MBNL2: variants seen among roughly 807,000 people sequenced by gnomAD.
MBNL2 encodes the protein muscleblind like splicing regulator 2, also known as muscleblind-like protein 2.
A neutral mutation model predicts 41.9 loss-of-function variants in MBNL2; 17 were observed. The ratio of observed to expected loss-of-function variants is 0.41; its 90% confidence interval spans 0.28 to 0.61. The LOEUF (loss-of-function observed/expected upper bound fraction) is 0.61. Among genes scored for constraint, MBNL2 ranks in the 20% least tolerant of loss-of-function variants. MBNL2 has a pLI of 0.35. For synonymous variants in MBNL2, 195 were observed against 182.9 expected (o/e 1.07, Z -0.53); for missense variants, 336 against 505.6 (o/e 0.66, Z 3.22).
At chr13:97,151,625 A>G in the MBNL2 span, among the ~76,000 whole-genome samples, 55 of 152,310 alleles carry the variant, frequency 3.6e-4, no homozygotes, top group African/African-American at 1.3e-3. Context: ...GATGCACACA[A>G]TCAGCTTTTT....
intron 1 of MBNL2, among the ~76,000 whole-genome samples, chr13:97,243,279 A>C (rs1435572408): frequency 6.6e-6 from 1 of 152,222 alleles, no homozygotes; most frequent in Non-Finnish European, 1.5e-5. Flanking sequence ...ACTGCTCCTG[A>C]CGGCTTATTT....
At chr13:97,182,759 G>T in the MBNL2 span, among the ~76,000 whole-genome samples, 1 of 152,192 alleles carries the variant, frequency 6.6e-6, no homozygotes, top group African/African-American at 2.4e-5. Flanking sequence ...GGCACACGTA[G>T]ATTTTTGTTG....
chr13:97,181,094 TC>T, the MBNL2 span, among the ~76,000 whole-genome samples: 966 of 151,132 alleles, frequency 6.4e-3, 5 homozygotes, highest in Non-Finnish European at 0.01. Context: ...TCTCTCTCTC[TC>T]CCCCCCACCT....
chr13:97,313,685 A>G (rs2058797825), intron 2 of MBNL2, among the ~76,000 whole-genome samples: 1 of 152,154 alleles, frequency 6.6e-6, no homozygotes, highest in Non-Finnish European at 1.5e-5. Context: ...GAGATGGCTG[A>G]TCTATTCCCA....
intron 2 of MBNL2, among the ~76,000 whole-genome samples, chr13:97,330,009 T>C (rs558612524): frequency 6.6e-6 from 1 of 152,310 alleles, no homozygotes; most frequent in South Asian, 2.1e-4. Flanking sequence ...TCACAACTTG[T>C]AACAAGACAT....
chr13:97,221,929 T>C (rs534407345), upstream of MBNL2, among the ~76,000 whole-genome samples: 15 of 152,362 alleles, frequency 9.8e-5, no homozygotes, highest in South Asian at 3.1e-3. Context: ...AAAAAACATA[T>C]ACATATGCTT....
chr13:97,165,900 C>T, the MBNL2 span, among the ~76,000 whole-genome samples: 1 of 152,248 alleles, frequency 6.6e-6, no homozygotes, highest in Non-Finnish European at 1.5e-5. Flanking sequence ...AGCCTTGAAG[C>T]CTGTTTCCAA....
chr13:97,334,510 T>C lies in MBNL2; in HGVS notation c.339+70T>C. 3.5e-6 allele frequency: 4 copies of C among 1,142,120 alleles called. No homozygotes were observed. The highest frequency in any genetic ancestry group is 3.6e-6 in the Non-Finnish European group (3 of 822,938). The allele number at this position is 1,142,120 out of a possible 1,614,324, so 70.7% of individuals were successfully genotyped here. A position where few individuals can be genotyped will look rare whatever the true frequency, so the allele number is the denominator to read the frequency against. ...TGGTATGGATGATGCCACGTTGACC[T>C]AGGGTGGCCTCTCTCCACTTTGTCA... On this transcript the variant is annotated intron_variant, in intron 3 of 8. Coordinates refer to ENST00000679496, the MANE Select transcript of MBNL2 (RefSeq NM_001382683.1). The surrounding 1 kb of genome is among the most constrained non-coding windows in gnomAD (Gnocchi z 5.3).
At chr13:97,370,715 TA>T (rs1398023507) in intron 8 of MBNL2, among the ~76,000 whole-genome samples, 2 of 151,950 alleles carry the variant, frequency 1.3e-5, no homozygotes, top group African/African-American at 4.8e-5. Context: ...TAATGGACCT[TA>T]TTATTTCAGT....
At chr13:97,170,463 G>T in the MBNL2 span, among the ~76,000 whole-genome samples, 7 of 152,174 alleles carry the variant, frequency 4.6e-5, no homozygotes, top group South Asian at 2.1e-4. Flanking sequence ...GCCACACCAC[G>T]CAGGGATATA....
the MBNL2 span, among the ~76,000 whole-genome samples, chr13:97,169,570 T>A: frequency 6.6e-6 from 1 of 152,244 alleles, no homozygotes; most frequent in Non-Finnish European, 1.5e-5. Context: ...TGTTTTATTC[T>A]GAAAGCGTTT....
chr13:97,309,115 G>A (rs778584244), intron 2 of MBNL2, among the ~76,000 whole-genome samples: 4 of 152,112 alleles, frequency 2.6e-5, no homozygotes, highest in Non-Finnish European at 5.9e-5. Context: ...AAAACCATGG[G>A]GTATGTAGGG....
At chr13:97,285,221 G>A (rs1432515172) in intron 2 of MBNL2, among the ~76,000 whole-genome samples, 2 of 152,226 alleles carry the variant, frequency 1.3e-5, no homozygotes, top group Non-Finnish European at 2.9e-5. Flanking sequence ...CCCTGGCTTT[G>A]TCACATGTAA....
chr13:97,187,642 T>C, the MBNL2 span, among the ~76,000 whole-genome samples: 1 of 124,946 alleles, frequency 8.0e-6, no homozygotes, highest in African/African-American at 2.9e-5. Flanking sequence ...GCGCGGTGGC[T>C]CACGCCTGTA....
At chr13:97,255,680 C>T (rs2047389917) in intron 1 of MBNL2, among the ~76,000 whole-genome samples, 1 of 152,168 alleles carries the variant, frequency 6.6e-6, no homozygotes, top group African/African-American at 2.4e-5. Context: ...TACATTTTCC[C>T]ACTTTGCAAA....
the MBNL2 span, chr13:97,179,510 A>T: frequency 6.6e-6 from 1 of 152,074 alleles, no homozygotes; most frequent in Non-Finnish European, 1.5e-5. Flanking sequence ...CACTTCCTTA[A>T]CCTAGGTTCC....
Position 97,391,388 on chromosome 13 carries a change from A to G in MBNL2, c.1115A>G (p.His372Arg). 6.3e-7 allele frequency: 1 copy of G among 1,587,056 alleles called. No homozygotes were observed. The highest frequency in any genetic ancestry group is 1.1e-5 in the South Asian group (1 of 90,396). The change falls in exon 9 of 9, where the codon CAT becomes CGT. Residue 372 changes from histidine (H) to arginine (R), a missense_variant. By Grantham distance (29) the His-to-Arg change is conservative (BLOSUM62 0). Transcript: ENST00000679496. The stretch of plus-strand genomic sequence containing the variant: ...GAATCTGCATTGAGAATAACTAAAC[A>G]TTGTTACTGTACATACTATCCTGTT... ...CQESALRITK[H>R]CYCTYYPVSS...
chr13:97,317,921 T>C (rs2153035242), intron 2 of MBNL2, among the ~76,000 whole-genome samples: 2 of 152,362 alleles, frequency 1.3e-5, no homozygotes, highest in South Asian at 4.1e-4. Context: ...GATTTATGTA[T>C]GTAGAGTTTC....
intron 1 of MBNL2, among the ~76,000 whole-genome samples, chr13:97,239,528 T>C (rs1174700044): frequency 1.3e-5 from 2 of 152,206 alleles, no homozygotes; most frequent in African/African-American, 4.8e-5. Flanking sequence ...TGATGAAAAA[T>C]GAATGCATTT....
Sources: allele counts gnomAD v4.1 joint callset (sites outside exome capture counted in the v4.1 genomes callset), GRCh38; gene constraint gnomAD v4.1.1; non-coding constraint Gnocchi (gnomAD v3.1); transcripts MANE v1.5; gene names NCBI Gene and HGNC (gene_info 2026-07-23, HGNC 2026-07-21).